Variants in EPS8 observed in about 807,000 individuals in gnomAD.
EPS8 encodes the protein epidermal growth factor receptor kinase substrate 8.
Under a neutral mutation model 103.8 loss-of-function variants are expected in EPS8, and 42 were observed. The observed-to-expected ratio is 0.40, with a 90% CI of 0.32 to 0.52. EPS8 has a LOEUF of 0.52. EPS8 is among the 20% of genes least tolerant of loss of function. The pLI, the probability that EPS8 is intolerant of heterozygous loss-of-function variation, is 0.40. For missense variants in EPS8, 969 were observed against 1,005.1 expected, an observed-to-expected ratio of 0.96 and a Z score of 0.49; for synonymous variants, 344 against 344.6, an observed-to-expected ratio of 1.00 and a Z score of 0.02.
At chr12:15,651,852 T>C (rs1443356079) in intron 13 of EPS8, among the ~76,000 whole-genome samples, 1 of 152,200 alleles carries the variant, frequency 6.6e-6, no homozygotes, top group East Asian at 1.9e-4. Context: ...ATTCATTTCC[T>C]AATACTCTTA....
chr12:15,671,298 A>C lies in EPS8; in HGVS notation c.137-375T>G, dbSNP rs187940064. Among the ~76,000 whole-genome samples, 74 of 152,270 alleles carry C rather than the reference A, an allele frequency of 4.9e-4. 1 individual carries two copies. The highest frequency in any genetic ancestry group is 4.4e-3 in the Admixed American group (68 of 15,286). ...TTCATCTGTTACTGCACTGATATCA[A>C]AATGTAATTGCAAATATTGTCATAG... On this transcript the variant is annotated intron_variant, in intron 3 of 20. Transcript: ENST00000281172.
At chr12:15,681,011 C>T (rs186664565) in intron 3 of EPS8, among the ~76,000 whole-genome samples, 4 of 152,204 alleles carry the variant, frequency 2.6e-5, no homozygotes, top group African/African-American at 7.2e-5. Flanking sequence ...CACTGCAATA[C>T]ATTTCATCTG....
At chr12:15,635,927 G>GAA (rs1466628588) in intron 17 of EPS8, among the ~76,000 whole-genome samples, 1 of 151,514 alleles carries the variant, frequency 6.6e-6, no homozygotes, top group Admixed American at 6.6e-5. Context: ...CTTGCATCTT[G>GAA]GTAGAGTAAG....
chr12:15,629,079 A>T (rs1195724265), intron 18 of EPS8, among the ~76,000 whole-genome samples: 1 of 152,254 alleles, frequency 6.6e-6, no homozygotes, highest in Non-Finnish European at 1.5e-5. Flanking sequence ...TAATATTCTA[A>T]GGAAACAAGT....
intron 17 of EPS8, among the ~76,000 whole-genome samples, chr12:15,634,150 G>C (rs1945096638): frequency 6.6e-6 from 1 of 152,176 alleles, no homozygotes; most frequent in African/African-American, 2.4e-5. Context: ...GTTGGCCTGA[G>C]ACTTTCCCAG....
At chr12:15,737,641 T>C (rs747007621) in intron 1 of EPS8, among the ~76,000 whole-genome samples, 13 of 152,144 alleles carry the variant, frequency 8.5e-5, no homozygotes, top group Non-Finnish European at 1.9e-4. Flanking sequence ...AAAGTGACAC[T>C]GGTAAGTGAA....
At chr12:15,644,437 G>A (rs2135766109) in intron 15 of EPS8, among the ~76,000 whole-genome samples, 1 of 152,232 alleles carries the variant, frequency 6.6e-6, no homozygotes, top group African/African-American at 2.4e-5. Flanking sequence ...GCTCACGCCT[G>A]TAATCCCAGC....
At chr12:15,648,186 G>C (rs1945353620) in intron 14 of EPS8, among the ~76,000 whole-genome samples, 1 of 152,184 alleles carries the variant, frequency 6.6e-6, no homozygotes, top group South Asian at 2.1e-4. Context: ...GGGGACCCCT[G>C]CTATAGAGAA....
chr12:15,734,754 C>T lies in EPS8; in HGVS notation c.-21-51782G>A, dbSNP rs959286512. Among the ~76,000 whole-genome samples the T allele has an allele frequency of 6.6e-6, 1 of 152,088 alleles. No individual in the cohort carries two copies. The highest frequency in any genetic ancestry group is 1.5e-5 in the Non-Finnish European group (1 of 67,980). On this transcript the variant is annotated intron_variant, in intron 1 of 20. Transcript: ENST00000281172. This position sits in a 1 kb window ranked among gnomAD's most constrained non-coding sequence, Gnocchi z 4.1. Reference sequence around the variant, plus strand: ...AACAAAAAAAAACAAAAAAGATTCTCTGCACGTAACTTTGTTAATTCCCAT... The same window carrying T: ...AACAAAAAAAAACAAAAAAGATTCTTTGCACGTAACTTTGTTAATTCCCAT...
Position 15,682,926 on chromosome 12 carries a change from G to A in EPS8, c.26C>T (p.Pro9Leu). The A allele has an allele frequency of 6.3e-7, 1 of 1,584,188 alleles. No individual in the cohort carries two copies. Among genetic ancestry groups the A allele is most frequent in the Non-Finnish European group, 8.6e-7 (1 of 1,163,254 alleles). ...AGATGGGTACATTCCAAAACTACTG[G>A]GATGATTAGAAATATGACCATTCAT... MNGHISNHPSSFGMYPSQM... is the reference protein window; with the variant it reads MNGHISNHLSSFGMYPSQM... Residue 9 changes from proline to leucine, a missense_variant, in exon 2 of 21, where the codon CCC becomes CTC. Transcript: ENST00000281172.
At chr12:15,677,911 C>T (rs916725281) in intron 3 of EPS8, among the ~76,000 whole-genome samples, 1 of 152,142 alleles carries the variant, frequency 6.6e-6, no homozygotes, top group Non-Finnish European at 1.5e-5. Flanking sequence ...ATAATCTCTT[C>T]TTGGTGACAA....
chr12:15,749,710 T>C lies in EPS8; in HGVS notation c.-22+39451A>G, dbSNP rs1166789666. ...TCATATTGTTCATAATATCTTCATA[T>C]TGCATTGTTCATTAAAATCAAATAT... On this transcript the variant is annotated intron_variant, in intron 1 of 20. Coordinates refer to ENST00000281172, the MANE Select transcript of EPS8 (RefSeq NM_004447.6). The surrounding 1 kb of genome is among the most constrained non-coding windows in gnomAD (Gnocchi z 4.0). Among the ~76,000 whole-genome samples, 1 of 152,174 alleles carries C rather than the reference T, an allele frequency of 6.6e-6. No individual in the cohort carries two copies. The highest frequency in any genetic ancestry group is 1.5e-5 in the Non-Finnish European group (1 of 68,040).
chr12:15,621,148 T>C lies in EPS8; in HGVS notation c.*169A>G, dbSNP rs766689037. ...TAAATTTTTTCAGTTTTAATAAAAA[T>C]AATGGGCCTAGAAGCAAATCCTGTG... On this transcript the variant is annotated 3_prime_UTR_variant, in exon 21 of 21. Coordinates refer to ENST00000281172, the MANE Select transcript of EPS8 (RefSeq NM_004447.6). 3.2e-5 allele frequency: 14 copies of C among 436,570 alleles called. No homozygotes were observed. Among genetic ancestry groups the C allele is most frequent in the Non-Finnish European group, 5.6e-5 (14 of 250,344 alleles). 27.0% of individuals were successfully genotyped at this position (436,570 alleles called of 1,614,324 possible).
rs572289645 is a variant in EPS8 at position 15,764,845 on chromosome 12, G to C, written c.-22+24316C>G. 6.6e-6 allele frequency among the ~76,000 whole-genome samples: 1 copy of C among 152,162 alleles called. No homozygotes were observed. The highest frequency in any genetic ancestry group is 6.5e-5 in the Admixed American group (1 of 15,296). ...TCTGGGGAATGAAGATCTAATACAA[G>C]TAATTCAATAAAAAAACAAGTAGTA... On this transcript the variant is annotated intron_variant, in intron 1 of 20. Coordinates refer to ENST00000281172, the MANE Select transcript of EPS8 (RefSeq NM_004447.6). The surrounding 1 kb of genome is among the most constrained non-coding windows in gnomAD (Gnocchi z 4.1).
At chr12:15,753,802 A>C (rs1465893357) in intron 1 of EPS8, among the ~76,000 whole-genome samples, 1 of 152,210 alleles carries the variant, frequency 6.6e-6, no homozygotes, top group Admixed American at 6.5e-5. Context: ...TCCACTCCTG[A>C]ATTTTATTAA....
intron 1 of EPS8, among the ~76,000 whole-genome samples, chr12:15,783,045 A>G (rs1378565902): frequency 6.6e-6 from 1 of 152,204 alleles, no homozygotes; most frequent in African/African-American, 2.4e-5. Context: ...CTCCCAAGAA[A>G]CAGAGAAAAG....
chr12:15,786,239 G>A (rs564885754), intron 1 of EPS8, among the ~76,000 whole-genome samples: 1 of 152,042 alleles, frequency 6.6e-6, no homozygotes, highest in Admixed American at 6.5e-5. Flanking sequence ...GATGAAAATG[G>A]CACGTTACCT....
intron 10 of EPS8, 130 bp downstream of exon 10, chr12:15,660,484 G>A (rs550345926): frequency 6.1e-5 from 41 of 667,934 alleles, no homozygotes; most frequent in African/African-American, 5.5e-4. Flanking sequence ...GGCTAGTCTC[G>A]AACTCCTGAC....
intron 6 of EPS8, among the ~76,000 whole-genome samples, chr12:15,668,562 G>A (rs1036379072): frequency 5.3e-5 from 8 of 152,184 alleles, no homozygotes; most frequent in African/African-American, 1.9e-4. Context: ...ATAATCATTT[G>A]AAATTACACT....
Sources: allele counts gnomAD v4.1 joint callset (sites outside exome capture counted in the v4.1 genomes callset), GRCh38; gene constraint gnomAD v4.1.1; non-coding constraint Gnocchi (gnomAD v3.1); transcripts MANE v1.5; gene names NCBI Gene and HGNC (gene_info 2026-07-23, HGNC 2026-07-21).